Variants in DCAF5 observed in about 807,000 individuals in gnomAD.
DCAF5 encodes the protein DDB1 and CUL4 associated factor 5.
DCAF5 carries 9 observed loss-of-function variants against 80.7 expected under a neutral mutation model. That is an observed-to-expected ratio of 0.11 (90% CI 0.07 to 0.19). The LOEUF is 0.19. Ranked by LOEUF, DCAF5 falls within the 10% of genes least tolerant of loss-of-function variation. The pLI is 1.00. For missense variants in DCAF5, 842 were observed against 1,205.7 expected, an observed-to-expected ratio of 0.70 and a Z score of 4.47; for synonymous variants, 433 against 461.9, an observed-to-expected ratio of 0.94 and a Z score of 0.80.
At chr14:69,141,195 G>A (rs1272691624) in intron 1 of DCAF5, among the ~76,000 whole-genome samples, 1 of 147,334 alleles carries the variant, frequency 6.8e-6, no homozygotes, top group Non-Finnish European at 1.5e-5. Context: ...CTGAAGTAAG[G>A]AGAATGGATG....
At chr14:69,094,437 ACTCTGAC>A (rs1315761369) in intron 5 of DCAF5, among the ~76,000 whole-genome samples, 1 of 152,024 alleles carries the variant, frequency 6.6e-6, no homozygotes, top group African/African-American at 2.4e-5. Flanking sequence ...TGGGCAGGGA[ACTCTGAC>A]CTCTCACACA....
chr14:69,056,065 T>C (rs1485308619), intron 8 of DCAF5, among the ~76,000 whole-genome samples: 1 of 152,158 alleles, frequency 6.6e-6, no homozygotes, highest in East Asian at 1.9e-4. Context: ...TTTTCCCAAA[T>C]GAAAACAGAC....
intron 5 of DCAF5, among the ~76,000 whole-genome samples, chr14:69,101,574 T>C (rs1408808562): frequency 6.6e-6 from 1 of 152,198 alleles, no homozygotes; most frequent in South Asian, 2.1e-4. Context: ...AATTCTTAAC[T>C]GGCAAAAGAA....
chr14:69,141,148 A>T (rs1038141876), intron 1 of DCAF5, among the ~76,000 whole-genome samples: 1 of 145,264 alleles, frequency 6.9e-6, no homozygotes, highest in African/African-American at 2.7e-5. Flanking sequence ...TTAAAAAAAA[A>T]AAAAAAAAAA....
intron 6 of DCAF5, among the ~76,000 whole-genome samples, chr14:69,088,446 C>T (rs1030492602): frequency 1.3e-5 from 2 of 152,214 alleles, no homozygotes; most frequent in South Asian, 2.1e-4. Context: ...ATATTTCACA[C>T]TTTATTCCCC....
At chr14:69,090,762 T>A (rs902923918) in intron 6 of DCAF5, 3 of 229,916 alleles carry the variant, frequency 1.3e-5, no homozygotes, top group African/African-American at 6.8e-5. Context: ...GGGTACAGCA[T>A]ATAAGAATTT....
At chr14:69,084,771 C>T (rs981362630) in intron 6 of DCAF5, 130 of 1,126,814 alleles carry the variant, frequency 1.2e-4, no homozygotes, top group Non-Finnish European at 1.6e-4. Flanking sequence ...AATAAGCATA[C>T]GACCACATTC....
intron 6 of DCAF5, chr14:69,090,986 C>T: frequency 1.5e-6 from 1 of 681,330 alleles, no homozygotes; most frequent in Non-Finnish European, 2.7e-6. Flanking sequence ...CAGATTAGCC[C>T]AACTGGTCAC....
At chr14:69,117,689 C>T (rs1015889933) in intron 4 of DCAF5, among the ~76,000 whole-genome samples, 2 of 152,314 alleles carry the variant, frequency 1.3e-5, no homozygotes, top group African/African-American at 2.4e-5. Flanking sequence ...GGCACTCACA[C>T]GACAATCCCC....
chr14:69,065,051 A>T (rs1486164959), intron 7 of DCAF5, among the ~76,000 whole-genome samples: 1 of 151,378 alleles, frequency 6.6e-6, no homozygotes, highest in Non-Finnish European at 1.5e-5. Flanking sequence ...GAAAATTCAG[A>T]CCATGGAAAA....
rs1008224403 is a variant in DCAF5, at chr14:69,084,637, TAAG to T, written c.879+7034_879+7036del. On this transcript the variant is annotated intron_variant, in intron 6 of 8. Coordinates refer to ENST00000341516, the MANE Select transcript of DCAF5 (RefSeq NM_003861.3). ...GATTCCTTCTACTCTTTACATTCCT[TAAG>T]AAGAACCAAAAAAAGAAGCTTATGG... 2.4e-5 allele frequency: 24 copies of T among 1,008,398 alleles called. No homozygotes were observed. In the African/African-American group the frequency reaches 3.1e-4, roughly 13 times the overall value. The allele number at this position is 1,008,398 out of a possible 1,614,324, so 62.5% of individuals were successfully genotyped here.
chr14:69,051,046 T>A lies in DCAF5; in HGVS notation c.*2811A>T, dbSNP rs1022259908. 5 of 152,612 alleles carry A rather than the reference T, an allele frequency of 3.3e-5. No individual in the cohort carries two copies. Among genetic ancestry groups the A allele is most frequent in the African/African-American group, 1.2e-4 (5 of 41,452 alleles). The allele number at this position is 152,612 out of a possible 1,614,324, so 9.5% of individuals were successfully genotyped here. The stretch of plus-strand genomic sequence containing the variant: ...AGACAAACAAGAGACTCTCAGCTTA[T>A]TAAATCAAGCATAGTCACAAACTTC... On this transcript the variant is annotated 3_prime_UTR_variant, in exon 9 of 9. Transcript: ENST00000341516.
intron 8 of DCAF5, among the ~76,000 whole-genome samples, chr14:69,057,585 C>G (rs2038025273): frequency 1.3e-5 from 2 of 152,164 alleles, no homozygotes; most frequent in African/African-American, 4.8e-5. Flanking sequence ...CCTACATTTT[C>G]CCTTCAGGAA....
chr14:69,151,536 A>G (rs1041195659), intron 1 of DCAF5, among the ~76,000 whole-genome samples: 1 of 152,076 alleles, frequency 6.6e-6, no homozygotes, highest in Non-Finnish European at 1.5e-5. Flanking sequence ...CCCTCCCAAT[A>G]TAGGAAAAGG....
intron 5 of DCAF5, among the ~76,000 whole-genome samples, chr14:69,096,393 C>T (rs1322633859): frequency 2.0e-5 from 3 of 152,196 alleles, no homozygotes; most frequent in East Asian, 3.8e-4. Flanking sequence ...ATTTCTCTGG[C>T]TTGATATACA....
At chr14:69,138,203 T>C (rs953079928) in intron 1 of DCAF5, among the ~76,000 whole-genome samples, 2 of 152,100 alleles carry the variant, frequency 1.3e-5, no homozygotes, top group African/African-American at 4.8e-5. Context: ...AACACCAAGA[T>C]ACAACTGGAA....
chr14:69,091,636 A>G (rs910779428), intron 6 of DCAF5, 38 bp downstream of exon 6: 1 of 1,562,356 alleles, frequency 6.4e-7, no homozygotes, highest in African/African-American at 1.4e-5. Flanking sequence ...CAGAAAGAAA[A>G]GCATAAGTGT....
At chr14:69,077,362 T>C (rs980521415) in intron 6 of DCAF5, among the ~76,000 whole-genome samples, 16 of 130,346 alleles carry the variant, frequency 1.2e-4, no homozygotes, top group African/African-American at 4.3e-4. Context: ...CCACGACATG[T>C]AGCTTATTTA....
At chr14:69,135,919 G>A (rs2041177266) in intron 1 of DCAF5, among the ~76,000 whole-genome samples, 1 of 152,144 alleles carries the variant, frequency 6.6e-6, no homozygotes, top group Non-Finnish European at 1.5e-5. Flanking sequence ...AAGACCCAAA[G>A]TTTAAGACAG....
Sources: gnomAD v4.1 joint callset for allele counts (sites outside exome capture counted in the v4.1 genomes callset) on GRCh38, gnomAD v4.1.1 for gene constraint, MANE v1.5 for transcripts, NCBI Gene and HGNC (gene_info 2026-07-23, HGNC 2026-07-21) for gene names.